Variants in KNTC1 observed in about 807,000 individuals in gnomAD.
The protein encoded by KNTC1 is kinetochore associated 1.
A neutral mutation model predicts 314.4 loss-of-function variants in KNTC1; 253 were observed. The observed-to-expected ratio is 0.80, with a 90% CI of 0.73 to 0.89. KNTC1 has a LOEUF of 0.89. Ranked by LOEUF, KNTC1 falls within the 40% of genes least tolerant of loss-of-function variation. The pLI, the probability that KNTC1 is intolerant of heterozygous loss-of-function variation, is 0.00. For synonymous variants in KNTC1, 901 were observed against 901.4 expected (o/e 1.00, Z 0.01); for missense variants, 2,475 against 2,572.9 (o/e 0.96, Z 0.82).
At chr12:122,602,530 G>A (rs769329837) in intron 45 of KNTC1, 39 bp from the exon 46 acceptor site, 2 of 1,292,768 alleles carry the variant, frequency 1.5e-6, no homozygotes, top group South Asian at 1.3e-5. Context: ...TTAGGATTGG[G>A]TTACTCTTAC....
At chr12:122,625,252 A>G (rs1874894674) in intron 63 of KNTC1, among the ~76,000 whole-genome samples, 1 of 152,018 alleles carries the variant, frequency 6.6e-6, no homozygotes, top group Admixed American at 6.6e-5. Context: ...AAAATACAAA[A>G]ATTAGCCAGG....
intron 38 of KNTC1, among the ~76,000 whole-genome samples, chr12:122,587,159 G>C (rs1276297183): frequency 6.6e-6 from 1 of 152,186 alleles, no homozygotes; most frequent in African/African-American, 2.4e-5. Flanking sequence ...TGCTCCTGTA[G>C]TCCTGGTTAC....
chr12:122,549,826 T>G lies in KNTC1; in HGVS notation c.1048T>G (p.Ser350Ala). ...GGAAATACTATATTCTTTGGAAGTA[T>G]CTAGTGTTTCTTCTCTGGTCCAAAC... ...TMEILYSLEV[S>A]SVSSLVQTGI... The change falls in exon 13 of 64, where the codon TCT becomes GCT. Residue 350 changes from serine to alanine, a missense_variant. Physicochemically the swap from Ser to Ala is moderately conservative, Grantham distance 99. Coordinates refer to ENST00000333479, the MANE Select transcript of KNTC1 (RefSeq NM_014708.6). The G allele has an allele frequency of 2.5e-6, 4 of 1,573,226 alleles. No homozygotes were observed. Among genetic ancestry groups the G allele is most frequent in the Non-Finnish European group, 3.5e-6 (4 of 1,151,906 alleles).
At chr12:122,620,683 G>T in intron 60 of KNTC1, 75 bp downstream of exon 60, 2 of 1,491,530 alleles carry the variant, frequency 1.3e-6, no homozygotes, top group Middle Eastern at 1.8e-4. Flanking sequence ...GCAAAAGGTC[G>T]CATTTTCATT....
chr12:122,557,809 A>C (rs1022694872), intron 18 of KNTC1, 120 bp downstream of exon 18: 3 of 665,526 alleles, frequency 4.5e-6, no homozygotes, highest in Non-Finnish European at 7.7e-6. Context: ...ATTAATAAAA[A>C]AGTTTTTATA....
At position 122,571,093 on chromosome 12, in the gene KNTC1, G is replaced by A. The variant is rs756760642; in HGVS notation, c.1986G>A (p.Leu662=). 3.1e-6 allele frequency: 5 copies of A among 1,613,458 alleles called. No individual in the cohort carries two copies. Among genetic ancestry groups the A allele is most frequent in the Non-Finnish European group, 4.2e-6 (5 of 1,179,640 alleles). ...IFFTAEKTDE[L]GLASSWHWIS... ...TTACAGCAGAAAAAACAGACGAGTT[G>A]GGATTGGCATCTTCCTGGCATTGGA... The change falls in exon 24 of 64, where the codon TTG becomes TTA. Residue 662 remains leucine (L), a synonymous_variant. Transcript: ENST00000333479.
At chr12:122,566,787 G>A (rs1191693759) in intron 20 of KNTC1, among the ~76,000 whole-genome samples, 3 of 128,794 alleles carry the variant, frequency 2.3e-5, no homozygotes, top group African/African-American at 5.8e-5. Context: ...TTTGAGGTGG[G>A]GTCTCACTCT....
chr12:122,562,483 G>A (rs1421566217), intron 19 of KNTC1, among the ~76,000 whole-genome samples, 155 bp from the exon 20 acceptor site: 1 of 150,900 alleles, frequency 6.6e-6, no homozygotes, highest in Admixed American at 6.6e-5. Context: ...GTGTGTGTAT[G>A]TGTGTGAAAT....
In KNTC1 at chr12:122,582,728, A is replaced by G. The variant is rs1303568334; in HGVS notation, c.3006A>G (p.Ser1002=). Residue 1002 remains serine (S), a synonymous_variant, in exon 34 of 64, where the codon TCA becomes TCG. Coordinates refer to ENST00000333479, the MANE Select transcript of KNTC1 (RefSeq NM_014708.6). ...AGGAGAACTTTGAGGTCTTTCTTTCATTTGAAGATTATAGCAATAGTTCCC... is the reference window on the plus strand; with the variant it reads ...AGGAGAACTTTGAGGTCTTTCTTTCGTTTGAAGATTATAGCAATAGTTCCC... ...SLQENFEVFL[S]FEDYSNSSLV... 3 of 1,605,092 alleles carry G rather than the reference A, an allele frequency of 1.9e-6. No individual in the cohort carries two copies. The highest frequency in any genetic ancestry group is 2.2e-5 in the East Asian group (1 of 44,714).
chr12:122,559,438 A>T (rs568268262), intron 18 of KNTC1, among the ~76,000 whole-genome samples: 1 of 152,162 alleles, frequency 6.6e-6, no homozygotes, highest in Non-Finnish European at 1.5e-5. Flanking sequence ...ATTCTATTTT[A>T]TGGATATACC....
intron 59 of KNTC1, 109 bp downstream of exon 59, chr12:122,618,654 AT>A: frequency 2.4e-6 from 2 of 838,314 alleles, no homozygotes; most frequent in Non-Finnish European, 3.9e-6. Context: ...GAAGTTAAGC[AT>A]AACACGTGTT....
At chr12:122,558,817 G>T (rs2137826778) in intron 18 of KNTC1, among the ~76,000 whole-genome samples, 1 of 152,168 alleles carries the variant, frequency 6.6e-6, no homozygotes, top group East Asian at 1.9e-4. Context: ...CAGAGGTTAG[G>T]GTGAGCCAAA....
At position 122,570,935 on chromosome 12, in the gene KNTC1, A is replaced by G. The variant is rs1303591508; in HGVS notation, c.1917+3A>G. 6.3e-7 allele frequency: 1 copy of G among 1,578,172 alleles called. No individual in the cohort carries two copies. Among genetic ancestry groups the G allele is most frequent in the East Asian group, 2.3e-5 (1 of 43,918 alleles). ...GGAACCTTGAATTAACTGATAAGGT[A>G]ATACTGATTTAATTAACAGTAAAAA... On this transcript the variant is annotated splice_donor_region_variant and intron_variant, in intron 23 of 63. Coordinates refer to ENST00000333479, the MANE Select transcript of KNTC1 (RefSeq NM_014708.6).
intron 2 of KNTC1, among the ~76,000 whole-genome samples, chr12:122,533,276 C>T (rs189674342): frequency 1.0e-3 from 153 of 151,862 alleles, no homozygotes; most frequent in African/African-American, 3.4e-3. Context: ...AAGTGATTCT[C>T]GTGCCTCAGC....
intron 61 of KNTC1, 62 bp from the exon 62 acceptor site, chr12:122,622,400 G>T: frequency 7.5e-7 from 1 of 1,336,382 alleles, no homozygotes; most frequent in Non-Finnish European, 1.0e-6. Context: ...TCATTCTATA[G>T]ATTAGAAGTC....
At chr12:122,594,250 CT>C (rs748406178) in intron 42 of KNTC1, 25 bp from the exon 43 acceptor site, 24 of 1,351,830 alleles carry the variant, frequency 1.8e-5, no homozygotes, top group Non-Finnish European at 2.2e-5. Context: ...GGTTTTTTTG[CT>C]TTGTTTTTTT....
chr12:122,573,569 T>C (rs756190302), intron 26 of KNTC1, among the ~76,000 whole-genome samples: 12 of 152,162 alleles, frequency 7.9e-5, no homozygotes, highest in Non-Finnish European at 1.3e-4. Context: ...CAGGAAGTCC[T>C]GACGACATGT....
chr12:122,584,790 G>C (rs946351396), intron 35 of KNTC1, 103 bp from the exon 36 acceptor site: 11 of 666,584 alleles, frequency 1.7e-5, no homozygotes, highest in Non-Finnish European at 2.5e-5. Flanking sequence ...TATCTACATT[G>C]TGGCCTTCCT....
chr12:122,582,622 G>GAAA, intron 33 of KNTC1, 83 bp from the exon 34 acceptor site: 1 of 1,151,210 alleles, frequency 8.7e-7, no homozygotes, highest in Non-Finnish European at 1.2e-6. Context: ...TTGAAATTAT[G>GAAA]AAAAAAAAAA....
Sources: allele counts gnomAD v4.1 joint callset (sites outside exome capture counted in the v4.1 genomes callset), GRCh38; gene constraint gnomAD v4.1.1; transcripts MANE v1.5; gene names NCBI Gene and HGNC (gene_info 2026-07-23, HGNC 2026-07-21).